SEMA6D: variants seen among roughly 807,000 people sequenced by gnomAD.
SEMA6D encodes the protein semaphorin 6D.
In SEMA6D, 35 loss-of-function variants were observed where a neutral mutation model predicts 106.6. The ratio of observed to expected loss-of-function variants is 0.33; its 90% CI spans 0.25 to 0.44. The LOEUF (loss-of-function observed/expected upper bound fraction) is 0.44, where lower values mean the gene tolerates loss of function less well. Ranked by LOEUF, SEMA6D falls within the 20% of genes least tolerant of loss-of-function variation. The pLI, the probability that SEMA6D is intolerant of heterozygous loss-of-function variation, is 1.00. For missense variants in SEMA6D, 1,185 were observed against 1,345.9 expected (o/e 0.88, Z 1.87); for synonymous variants, 499 against 487.7 (o/e 1.02, Z -0.31).
chr15:47,605,740 A>G (rs1223357552), intron 4 of SEMA6D, among the ~76,000 whole-genome samples: 1 of 152,218 alleles, frequency 6.6e-6, no homozygotes, highest in Non-Finnish European at 1.5e-5. Flanking sequence ...ATTCAGGAAC[A>G]GCCAAATGGA....
chr15:47,237,698 T>C (rs1442660402), intron 1 of SEMA6D, among the ~76,000 whole-genome samples: 1 of 152,056 alleles, frequency 6.6e-6, no homozygotes, highest in African/African-American at 2.4e-5. Context: ...AGAGTAGGTC[T>C]GTATAGGTAG....
At chr15:47,674,950 C>T (rs960210331) in intron 4 of SEMA6D, among the ~76,000 whole-genome samples, 1 of 152,168 alleles carries the variant, frequency 6.6e-6, no homozygotes, top group Non-Finnish European at 1.5e-5. Context: ...TCTTAGAAGA[C>T]CTCCTGGCTC....
At chr15:47,715,782 T>A (rs1341842973), upstream of SEMA6D, among the ~76,000 whole-genome samples, 1 of 152,174 alleles carries the variant, frequency 6.6e-6, no homozygotes, top group Non-Finnish European at 1.5e-5. Context: ...AGAATTTAAT[T>A]TTTTTTCCCT....
intron 1 of SEMA6D, chr15:47,395,470 G>T (rs2040183884): frequency 6.6e-6 from 1 of 152,164 alleles, no homozygotes; most frequent in Non-Finnish European, 1.5e-5. Context: ...ATCATTTCAT[G>T]GATTGTTGGA....
rs1168068495 is a variant in SEMA6D at position 47,384,814 on chromosome 15, G to GTT, written c.-238-27549_-238-27548dup. Among the ~76,000 whole-genome samples, 203 of 65,702 alleles carry GTT rather than the reference G, an allele frequency of 3.1e-3. 8 individuals carry two copies. Among genetic ancestry groups the GTT allele is most frequent in the East Asian group, 5.5e-3 (8 of 1,442 alleles). 43.1% of individuals were successfully genotyped at this position (65,702 alleles called of 152,430 possible). ...TCAGAATTAACATTTGATTACTAAAGTTTTTTTTTTTTTTTTTTTTTTTTT... is the reference window on the plus strand; with the variant it reads ...TCAGAATTAACATTTGATTACTAAAGTTTTTTTTTTTTTTTTTTTTTTTTTTT... On this transcript the variant is annotated intron_variant, in intron 1 of 19. Transcript: ENST00000558014.
chr15:47,568,368 TATA>T (rs2142848312), intron 3 of SEMA6D, among the ~76,000 whole-genome samples: 1 of 152,232 alleles, frequency 6.6e-6, no homozygotes, highest in African/African-American at 2.4e-5. Context: ...ATAAATTAAT[TATA>T]ATGTGATCAA....
chr15:47,484,131 T>C (rs1342092065), intron 3 of SEMA6D, among the ~76,000 whole-genome samples: 1 of 152,212 alleles, frequency 6.6e-6, no homozygotes, highest in Non-Finnish European at 1.5e-5. Flanking sequence ...CCCTTCTCTC[T>C]GTTCCTTTTG....
chr15:47,195,265 A>G (rs752340367), intron 1 of SEMA6D, among the ~76,000 whole-genome samples: 3 of 152,144 alleles, frequency 2.0e-5, no homozygotes, highest in African/African-American at 4.8e-5. Context: ...TCCAGTGACA[A>G]TGTGCTGTGT....
chr15:47,275,198 T>C (rs1158923658), intron 1 of SEMA6D: 1 of 152,194 alleles, frequency 6.6e-6, no homozygotes, highest in Non-Finnish European at 1.5e-5. Flanking sequence ...GCCTGCATTT[T>C]CTGTGAGCAA....
chr15:47,190,250 T>C (rs773597754), intron 1 of SEMA6D, among the ~76,000 whole-genome samples: 3 of 152,228 alleles, frequency 2.0e-5, no homozygotes, highest in Non-Finnish European at 4.4e-5. Flanking sequence ...TGAATAACTC[T>C]TGAGGCTGTT....
intron 1 of SEMA6D, among the ~76,000 whole-genome samples, chr15:47,348,750 AGAGAGAGAGAGAGAG>A (rs2038187491): frequency 6.8e-6 from 1 of 147,766 alleles, no homozygotes; most frequent in African/African-American, 2.5e-5. Context: ...AGAGAGAGAG[AGAGAGAGAGAGAGAG>A]ATTTTTTCCT....
intron 3 of SEMA6D, among the ~76,000 whole-genome samples, chr15:47,503,388 A>C (rs1162524994): frequency 1.3e-5 from 2 of 152,182 alleles, no homozygotes; most frequent in African/African-American, 4.8e-5. Context: ...TTGATCATAG[A>C]AATTGTGAGG....
intron 3 of SEMA6D, among the ~76,000 whole-genome samples, chr15:47,509,929 CA>C (rs1356757412): frequency 1.3e-5 from 2 of 152,224 alleles, no homozygotes; most frequent in Non-Finnish European, 2.9e-5. Flanking sequence ...CTTAGCCCAT[CA>C]TTTAAAATGT....
intron 1 of SEMA6D, 149 bp downstream of exon 1, chr15:47,717,841 T>C: frequency 4.7e-4 from 39 of 83,390 alleles, no homozygotes; most frequent in African/African-American, 1.2e-3. Context: ...GCTGTGTGTG[T>C]GTGTGTGTGT....
intron 4 of SEMA6D, among the ~76,000 whole-genome samples, chr15:47,659,425 T>C (rs1430818016): frequency 6.6e-6 from 1 of 151,774 alleles, no homozygotes; most frequent in African/African-American, 2.4e-5. Flanking sequence ...AAAAATAAAA[T>C]ACCTATGTCT....
intron 2 of SEMA6D, among the ~76,000 whole-genome samples, chr15:47,432,561 A>ATG (rs1232345127): frequency 2.6e-5 from 4 of 152,206 alleles, no homozygotes; most frequent in African/African-American, 4.8e-5. Context: ...ATATACATAT[A>ATG]CGCATATGTA....
chr15:47,763,171 G>C, intron 9 of SEMA6D, 67 bp downstream of exon 9: 1 of 1,217,388 alleles, frequency 8.2e-7, no homozygotes, highest in South Asian at 1.4e-5. Flanking sequence ...CTGTGATAGA[G>C]TTAAGGATGC....
At chr15:47,333,484 G>T (rs1595752485) in intron 1 of SEMA6D, among the ~76,000 whole-genome samples, 1 of 151,974 alleles carries the variant, frequency 6.6e-6, no homozygotes, top group South Asian at 2.1e-4. Context: ...ATTTTGTAAG[G>T]GCTTATTTGA....
intron 1 of SEMA6D, among the ~76,000 whole-genome samples, chr15:47,211,328 A>G (rs1241824604): frequency 1.3e-5 from 2 of 152,132 alleles, no homozygotes; most frequent in Non-Finnish European, 2.9e-5. Context: ...ATTCTCTTTA[A>G]TGGCTACATG....
Sources: gnomAD v4.1 joint callset for allele counts (sites outside exome capture counted in the v4.1 genomes callset) on GRCh38, gnomAD v4.1.1 for gene constraint, MANE v1.5 for transcripts, NCBI Gene and HGNC (gene_info 2026-07-23, HGNC 2026-07-21) for gene names.